The following LMBR1L variants were observed in gnomAD, a reference collection of about 807,000 sequenced individuals.
The protein encoded by LMBR1L is protein LMBR1L.
A neutral mutation model predicts 67.3 loss-of-function variants in LMBR1L; 47 were observed. The ratio of observed to expected loss-of-function variants is 0.70; its 90% CI spans 0.55 to 0.89. The LOEUF (loss-of-function observed/expected upper bound fraction) is 0.89, where lower values mean the gene tolerates loss of function less well. LMBR1L is among the 40% of genes least tolerant of loss of function. LMBR1L has a pLI of 0.00. For missense variants in LMBR1L, 533 were observed against 599.2 expected (o/e 0.89, Z 1.15); for synonymous variants, 247 against 250.3 (o/e 0.99, Z 0.13).
intron 8 of LMBR1L, 71 bp downstream of exon 8, chr12:49,102,816 G>T: frequency 7.1e-7 from 1 of 1,411,422 alleles, no homozygotes. Context: ...CCATAGGGTT[G>T]TTTCATTGTT....
At position 49,103,095 on chromosome 12, in the gene LMBR1L, G is replaced by C; in HGVS notation, c.627C>G (p.Leu209=). The part of the protein sequence containing the change: ...SCISFLGVLL[L]LVCTPLGLAR... ...TCCCAGACCCTGTACACTCACCCAG[G>C]AGCAGCAGAACCCCAAGGAAGGAGA... The change falls in exon 7 of 17, where the codon CTC becomes CTG. Residue 209 remains leucine (L), a synonymous_variant. Transcript: ENST00000267102. 6.2e-7 allele frequency: 1 copy of C among 1,613,960 alleles called. No individual in the cohort carries two copies. The highest frequency in any genetic ancestry group is 8.5e-7 in the Non-Finnish European group (1 of 1,179,860).
At chr12:49,106,937 C>G (rs761695863) in intron 2 of LMBR1L, 24 bp downstream of exon 2, 2 of 1,563,426 alleles carry the variant, frequency 1.3e-6, no homozygotes, top group Non-Finnish European at 1.8e-6. Flanking sequence ...GGGACTCTAG[C>G]AGGAGGGAGG....
Position 49,098,109 on chromosome 12 carries a change from A to G in LMBR1L, c.1241-4T>C, listed in dbSNP as rs1939638541. On this transcript the variant is annotated splice_polypyrimidine_tract_variant and splice_region_variant and intron_variant, in intron 15 of 16. Transcript: ENST00000267102. ...AGCAGGTCAAAGCGAGTGAGCCCTG[A>G]AGCACAAAGGCCAGGATGAGAGGTG... 1 of 1,611,790 alleles carries G rather than the reference A, an allele frequency of 6.2e-7. No homozygotes were observed. Among genetic ancestry groups the G allele is most frequent in the Admixed American group, 1.7e-5 (1 of 59,922 alleles).
chr12:49,110,326 G>T, intron 1 of LMBR1L, 158 bp downstream of exon 1: 1 of 690,860 alleles, frequency 1.4e-6, no homozygotes. Context: ...CTAGGGGATC[G>T]CTAGCCGGGC....
Position 49,097,705 on chromosome 12 carries a change from G to T in LMBR1L, c.1437C>A (p.Phe479Leu). ...GCTGGGTCTTCCTAGATGCCTGGGGGAAACCGGAGACGGGCAGCGGCAGTC... is the reference window on the plus strand; with the variant it reads ...GCTGGGTCTTCCTAGATGCCTGGGGTAAACCGGAGACGGGCAGCGGCAGTC... Reference protein sequence around the residue: ...LDRLPLPVSGFPQASRKTQHQ With the variant: ...LDRLPLPVSGLPQASRKTQHQ Residue 479 changes from phenylalanine (F) to leucine (L), a missense_variant, in exon 17 of 17, where the codon TTC (phenylalanine) becomes TTA (leucine). Around this residue, in one of 3 missense-constraint regions of LMBR1L, gnomAD observed 223 missense variants for 241.2 expected, o/e 0.92. Transcript: ENST00000267102. 1.2e-6 allele frequency: 2 copies of T among 1,613,882 alleles called. No homozygotes were observed. The highest frequency in any genetic ancestry group is 8.5e-7 in the Non-Finnish European group (1 of 1,180,010).
rs1368599454 is a variant in LMBR1L at position 49,104,787 on chromosome 12, C to G, written c.290G>C (p.Arg97Pro). The G allele has an allele frequency of 6.2e-7, 1 of 1,613,670 alleles. No homozygotes were observed. The highest frequency in any genetic ancestry group is 1.3e-5 in the African/African-American group (1 of 74,990). ...ISNEVLLSLPRNYYIQWLNGS... is the reference protein window; with the variant it reads ...ISNEVLLSLPPNYYIQWLNGS... ...GTTGAGCCACTGGATGTAGTAGTTC[C>G]GAGGCAGGGAGAGCAGCACCTCATT... is the stretch of plus-strand genomic sequence containing the variant. The change falls in exon 4 of 17, where the codon CGG (arginine) becomes CCG (proline). Residue 97 changes from arginine (R) to proline (P), a missense_variant. Physicochemically the swap from Arg to Pro is moderately radical, Grantham distance 103. Coordinates refer to ENST00000267102, the MANE Select transcript of LMBR1L (RefSeq NM_018113.4).
chr12:49,110,433 C>T, intron 1 of LMBR1L, 51 bp downstream of exon 1: 2 of 1,570,776 alleles, frequency 1.3e-6, no homozygotes, highest in Non-Finnish European at 1.8e-6. Flanking sequence ...GGACCCCAAC[C>T]TCCCCGTCTC....
chr12:49,105,907 G>T lies in LMBR1L; in HGVS notation c.191+17C>A. 6.2e-7 allele frequency: 1 copy of T among 1,610,052 alleles called. No individual in the cohort carries two copies. Among genetic ancestry groups the T allele is most frequent in the East Asian group, 2.2e-5 (1 of 44,672 alleles). ...CTAAAGACCACTGATGTTAGGTGCT[G>T]AGGCAGGGACACTTACGCAATCTTG... On this transcript the variant is annotated intron_variant, in intron 3 of 16. Transcript: ENST00000267102.
In LMBR1L at chr12:49,102,125, G is replaced by C. The variant is rs188976051; in HGVS notation, c.925C>G (p.Leu309Val). 27 of 1,613,908 alleles carry C rather than the reference G, an allele frequency of 1.7e-5. 1 individual carries two copies. The East Asian group carries it at 5.8e-4, about 35-fold the overall frequency. ...TCTAGGGCTGGTATACCTACCGTCA[G>C]CACCAGCAAGCACAGCATAGCCAGG... ...YPLAMLCLLV[L>V]TGLSVLIVAI... is the part of the protein sequence containing the mutation. The change falls in exon 11 of 17, where the codon CTG becomes GTG. Residue 309 changes from leucine to valine, a missense_variant. Leu to Val is a conservative substitution (Grantham distance 32, BLOSUM62 1). This residue lies in a region of LMBR1L where 223 missense variants were observed against 241.2 expected (regional missense o/e 0.92). Coordinates refer to ENST00000267102, the MANE Select transcript of LMBR1L (RefSeq NM_018113.4).
chr12:49,110,340 C>T (rs972268144), intron 1 of LMBR1L, 144 bp downstream of exon 1: 1 of 744,838 alleles, frequency 1.3e-6, no homozygotes, highest in Non-Finnish European at 2.3e-6. Flanking sequence ...GCCGGGCACC[C>T]GCCCTTCTGC....
In LMBR1L at chr12:49,110,333, G is replaced by A. The variant is rs755014102; in HGVS notation, c.72+151C>T. The stretch of plus-strand genomic sequence containing the variant: ...GATCCCATCTAGGGGATCGCTAGCC[G>A]GGCACCCGCCCTTCTGCCCGGACGG... On this transcript the variant is annotated intron_variant, in intron 1 of 16. Transcript: ENST00000267102. 5.0e-4 allele frequency: 356 copies of A among 713,772 alleles called. 1 individual carries two copies. Among genetic ancestry groups the A allele is most frequent in the Non-Finnish European group, 7.6e-4 (308 of 406,238 alleles). The allele number at this position is 713,772 out of a possible 1,614,324, so 44.2% of individuals were successfully genotyped here. A position where few individuals can be genotyped will look rare whatever the true frequency, so the allele number is the denominator to read the frequency against.
rs944369715 is a variant in LMBR1L, at chr12:49,109,199, T to C, written c.72+1285A>G. ...CACTGATGTTCTCAGCTCATGGGAC[T>C]AAAGGATTAGGGAGACATCCAGGAG... On this transcript the variant is annotated intron_variant, in intron 1 of 16. Coordinates refer to ENST00000267102, the MANE Select transcript of LMBR1L (RefSeq NM_018113.4). Among the ~76,000 whole-genome samples the C allele has an allele frequency of 2.6e-5, 4 of 152,172 alleles. No individual in the cohort carries two copies. In the East Asian group the frequency reaches 5.8e-4, roughly 22 times the overall value.
intron 11 of LMBR1L, chr12:49,101,766 G>T (rs1280683174): frequency 5.1e-6 from 3 of 582,862 alleles, no homozygotes; most frequent in Middle Eastern, 9.0e-4. Context: ...TTGCAAAAAG[G>T]CTGAATAGGA....
intron 8 of LMBR1L, 66 bp downstream of exon 8, chr12:49,102,821 A>C (rs1271962620): frequency 1.4e-6 from 2 of 1,457,902 alleles, no homozygotes; most frequent in Non-Finnish European, 1.9e-6. Context: ...GGGTTGTTTC[A>C]TTGTTTGGTT....
intron 6 of LMBR1L, 137 bp from the exon 7 acceptor site, chr12:49,103,296 G>T: frequency 1.4e-6 from 1 of 737,178 alleles, no homozygotes; most frequent in Non-Finnish European, 2.3e-6. Context: ...AAGCTGGCCA[G>T]CATTAGCAGA....
chr12:49,100,296 A>G (rs1171853569), intron 15 of LMBR1L, 92 bp downstream of exon 15: 8 of 978,166 alleles, frequency 8.2e-6, no homozygotes, highest in Non-Finnish European at 1.3e-5. Context: ...TTGTTGTGGG[A>G]ATTAGAGAAA....
At chr12:49,106,419 G>T in intron 2 of LMBR1L, 1 of 446,212 alleles carries the variant, frequency 2.2e-6, no homozygotes. Flanking sequence ...CATCCTAAGA[G>T]GAGGAAAGGC....
At chr12:49,109,644 G>A in intron 1 of LMBR1L, 1 of 455,112 alleles carries the variant, frequency 2.2e-6, no homozygotes, top group South Asian at 1.6e-5. Flanking sequence ...TCTGGGGAAG[G>A]ACACAGGAGA....
Position 49,097,328 on chromosome 12 carries a change from C to T in LMBR1L, c.*344G>A, listed in dbSNP as rs1263486012. On this transcript the variant is annotated 3_prime_UTR_variant, in exon 17 of 17. Coordinates refer to ENST00000267102, the MANE Select transcript of LMBR1L (RefSeq NM_018113.4). ...CTGCCCTGGCCCAGTCCTTTCCCTGCCCCTACCCCACCCTATTGCACATCA... is the reference window on the plus strand; with the variant it reads ...CTGCCCTGGCCCAGTCCTTTCCCTGTCCCTACCCCACCCTATTGCACATCA... The T allele has an allele frequency of 4.3e-5, 12 of 280,568 alleles. No individual in the cohort carries two copies. The highest frequency in any genetic ancestry group is 7.1e-6 in the Non-Finnish European group (1 of 140,688). 17.4% of individuals were successfully genotyped at this position (280,568 alleles called of 1,614,324 possible).
Sources: allele counts gnomAD v4.1 joint callset (sites outside exome capture counted in the v4.1 genomes callset), GRCh38; gene constraint gnomAD v4.1.1; regional missense constraint gnomAD v4.1.1; transcripts MANE v1.5; gene names NCBI Gene and HGNC (gene_info 2026-07-23, HGNC 2026-07-21).